The following RIMS2 variants were observed in gnomAD, a reference collection of about 807,000 sequenced individuals.
RIMS2 encodes the protein regulating synaptic membrane exocytosis 2, also known as regulating synaptic membrane exocytosis protein 2.
RIMS2 carries 59 observed loss-of-function variants against 174.4 expected under a neutral mutation model. The ratio of observed to expected loss-of-function variants is 0.34; its 90% CI spans 0.27 to 0.42. The LOEUF (loss-of-function observed/expected upper bound fraction) is 0.42. Ranked by LOEUF, RIMS2 falls within the 10% of genes least tolerant of loss-of-function variation. The pLI is 1.00. For missense variants in RIMS2, 1,620 were observed against 1,666.3 expected (o/e 0.97, Z 0.48); for synonymous variants, 606 against 572.5 (o/e 1.06, Z -0.84).
chr8:104,091,861 T>C (rs1373389242), intron 19 of RIMS2, among the ~76,000 whole-genome samples: 1 of 151,708 alleles, frequency 6.6e-6, no homozygotes, highest in Non-Finnish European at 1.5e-5. Context: ...TTAAACCCTA[T>C]GGTTCTATTT....
intron 19 of RIMS2, among the ~76,000 whole-genome samples, chr8:104,022,014 G>A (rs148718880): frequency 7.2e-4 from 110 of 152,272 alleles, no homozygotes; most frequent in African/African-American, 2.5e-3. Context: ...GTCATCAGTC[G>A]CAGGTCTGGA....
At chr8:103,801,447 G>A (rs2098607387) in intron 3 of RIMS2, among the ~76,000 whole-genome samples, 1 of 152,146 alleles carries the variant, frequency 6.6e-6, no homozygotes, top group Non-Finnish European at 1.5e-5. Context: ...TCATTTAAAA[G>A]TATTCTTTCT....
intron 17 of RIMS2, among the ~76,000 whole-genome samples, chr8:103,996,191 G>C (rs925693607): frequency 6.6e-6 from 1 of 151,834 alleles, no homozygotes; most frequent in Non-Finnish European, 1.5e-5. Flanking sequence ...CAAATGGATA[G>C]AGATCTAGGC....
intron 19 of RIMS2, among the ~76,000 whole-genome samples, chr8:104,203,067 A>G (rs2099062655): frequency 6.6e-6 from 1 of 152,146 alleles, no homozygotes; most frequent in Non-Finnish European, 1.5e-5. Flanking sequence ...TTCTCAAGAC[A>G]TTTTCAAATG....
intron 1 of RIMS2, among the ~76,000 whole-genome samples, chr8:103,623,406 A>G (rs1451008279): frequency 6.6e-6 from 1 of 151,872 alleles, no homozygotes; most frequent in African/African-American, 2.4e-5. Flanking sequence ...ATGTGTGGCA[A>G]ATAATTGGCT....
chr8:104,022,614 C>G (rs1027104146), intron 19 of RIMS2, among the ~76,000 whole-genome samples: 2 of 152,086 alleles, frequency 1.3e-5, no homozygotes, highest in African/African-American at 2.4e-5. Flanking sequence ...CTCCTGACCT[C>G]AGGTGATCCT....
chr8:104,183,699 A>T (rs2098952750), intron 19 of RIMS2, among the ~76,000 whole-genome samples: 1 of 151,652 alleles, frequency 6.6e-6, no homozygotes. Flanking sequence ...AATTCTGAAC[A>T]GCTCATCAGA....
intron 3 of RIMS2, among the ~76,000 whole-genome samples, chr8:103,777,330 A>G (rs2154431205): frequency 6.6e-6 from 1 of 152,182 alleles, no homozygotes; most frequent in African/African-American, 2.4e-5. Context: ...TATGAACTCT[A>G]TCCCAGTATC....
intron 8 of RIMS2, among the ~76,000 whole-genome samples, chr8:103,916,949 A>G (rs2076734092): frequency 6.6e-6 from 1 of 152,176 alleles, no homozygotes; most frequent in Non-Finnish European, 1.5e-5. Flanking sequence ...ATGGAAAAAC[A>G]TGAAATCTTT....
intron 3 of RIMS2, chr8:103,768,170 A>C (rs2098200859): frequency 5.7e-6 from 2 of 353,206 alleles, no homozygotes; most frequent in Non-Finnish European, 5.4e-6. Flanking sequence ...TATGAAAAAA[A>C]TAGATAACCA....
chr8:104,113,586 A>T (rs1263045086), intron 19 of RIMS2, among the ~76,000 whole-genome samples: 1 of 152,028 alleles, frequency 6.6e-6, no homozygotes, highest in Admixed American at 6.6e-5. Context: ...GGACTGGAAG[A>T]AAGAATTGCA....
chr8:104,176,266 A>G (rs1251192690), intron 19 of RIMS2, among the ~76,000 whole-genome samples: 1 of 151,988 alleles, frequency 6.6e-6, no homozygotes, highest in Non-Finnish European at 1.5e-5. Flanking sequence ...CCTGTCTTCC[A>G]TTTGGACCTC....
At chr8:104,106,666 G>C (rs2098073675) in intron 19 of RIMS2, among the ~76,000 whole-genome samples, 1 of 151,954 alleles carries the variant, frequency 6.6e-6, no homozygotes, top group Non-Finnish European at 1.5e-5. Context: ...AAATTCTACT[G>C]TATGAAATAA....
At chr8:103,870,313 C>G (rs1298291962) in intron 3 of RIMS2, among the ~76,000 whole-genome samples, 3 of 151,816 alleles carry the variant, frequency 2.0e-5, no homozygotes, top group African/African-American at 7.3e-5. Flanking sequence ...GTAAAGTACC[C>G]ACAACTCAGT....
intron 1 of RIMS2, among the ~76,000 whole-genome samples, chr8:103,535,648 T>A (rs1393581734): frequency 1.3e-5 from 2 of 152,176 alleles, no homozygotes; most frequent in African/African-American, 4.8e-5. Context: ...GGGGCAACAA[T>A]TTGGTGCATT....
At chr8:103,771,460 A>G (rs1038405498) in intron 3 of RIMS2, among the ~76,000 whole-genome samples, 4 of 152,188 alleles carry the variant, frequency 2.6e-5, no homozygotes, top group Admixed American at 6.5e-5. Context: ...AAATTTTACT[A>G]TTTAATTTGT....
At chr8:104,096,381 A>G (rs2097763317) in intron 19 of RIMS2, among the ~76,000 whole-genome samples, 1 of 152,120 alleles carries the variant, frequency 6.6e-6, no homozygotes, top group Admixed American at 6.5e-5. Flanking sequence ...TATTTTTTCA[A>G]AAAAAGAGCA....
At chr8:103,910,649 T>A in intron 5 of RIMS2, 120 bp downstream of exon 8, 1 of 580,262 alleles carries the variant, frequency 1.7e-6, no homozygotes, top group South Asian at 2.6e-5. Flanking sequence ...CTGTAGCATT[T>A]CTTAAGGTGC....
intron 19 of RIMS2, among the ~76,000 whole-genome samples, chr8:104,225,163 T>G (rs1338657870): frequency 6.6e-6 from 1 of 152,250 alleles, no homozygotes; most frequent in Non-Finnish European, 1.5e-5. Context: ...TGACGTGTAT[T>G]CTTTTAGGCC....
Sources: gnomAD v4.1 joint callset for allele counts (sites outside exome capture counted in the v4.1 genomes callset) on GRCh38, gnomAD v4.1.1 for gene constraint, MANE v1.5 for transcripts, NCBI Gene and HGNC (gene_info 2026-07-23, HGNC 2026-07-21) for gene names.